ABCC1: variants seen among roughly 807,000 people sequenced by gnomAD.
ABCC1 encodes the protein ATP binding cassette subfamily C member 1 (ABCC1 blood group), also known as multidrug resistance-associated protein 1.
A neutral mutation model predicts 172.9 loss-of-function variants in ABCC1; 83 were observed. The ratio of observed to expected loss-of-function variants is 0.48; its 90% CI spans 0.40 to 0.58. ABCC1 has a LOEUF of 0.58. Among genes scored for constraint, ABCC1 ranks in the 20% least tolerant of loss-of-function variants. The pLI is 0.00. For missense variants in ABCC1, 1,817 were observed against 2,002.7 expected (o/e 0.91, Z 1.77); for synonymous variants, 937 against 825.2 (o/e 1.14, Z -2.32).
intron 25 of ABCC1, 47 bp downstream of exon 25, chr16:16,124,962 G>A: frequency 6.2e-7 from 1 of 1,611,876 alleles, no homozygotes. Context: ...TGTTAATGGG[G>A]GAGCCAGTTG....
intron 16 of ABCC1, among the ~76,000 whole-genome samples, chr16:16,079,936 GAGT>G (rs1339564623): frequency 2.0e-5 from 3 of 151,452 alleles, no homozygotes; most frequent in African/African-American, 7.3e-5. Flanking sequence ...TCAGCCTCCC[GAGT>G]AGCTAGGATT....
chr16:16,013,350 A>C (rs1442384469), intron 3 of ABCC1, among the ~76,000 whole-genome samples: 2 of 150,736 alleles, frequency 1.3e-5, no homozygotes, highest in Non-Finnish European at 2.9e-5. Flanking sequence ...AGCTCAGTGT[A>C]GCCTCCGCCT....
intron 1 of ABCC1, among the ~76,000 whole-genome samples, chr16:15,964,069 G>A (rs1261757455): frequency 1.3e-5 from 2 of 151,656 alleles, no homozygotes; most frequent in Admixed American, 6.6e-5. Flanking sequence ...TCAGCATCCC[G>A]AGTAGCTGGG....
intron 9 of ABCC1, among the ~76,000 whole-genome samples, chr16:16,046,366 A>G (rs1415697957): frequency 1.3e-5 from 2 of 150,316 alleles, no homozygotes; most frequent in Non-Finnish European, 3.0e-5. Flanking sequence ...TTTTTTTGAG[A>G]CCAGGTCTCA....
At chr16:16,120,140 C>T (rs762387152) in intron 23 of ABCC1, among the ~76,000 whole-genome samples, 2 of 152,122 alleles carry the variant, frequency 1.3e-5, no homozygotes, top group Non-Finnish European at 2.9e-5. Context: ...TTGTAAAAGC[C>T]ACCTGCTGCT....
intron 10 of ABCC1, among the ~76,000 whole-genome samples, chr16:16,049,974 G>A (rs2049360830): frequency 6.6e-6 from 1 of 152,034 alleles, no homozygotes; most frequent in South Asian, 2.1e-4. Context: ...AATTACAGGC[G>A]TGAGCCACCG....
At chr16:16,097,967 A>C (rs2051556693) in intron 19 of ABCC1, 1 of 152,302 alleles carries the variant, frequency 6.6e-6, no homozygotes. Context: ...GACAAACGCC[A>C]AACAATTAAG....
intron 1 of ABCC1, among the ~76,000 whole-genome samples, chr16:15,989,622 G>A (rs1029531938): frequency 6.6e-6 from 1 of 151,928 alleles, no homozygotes; most frequent in African/African-American, 2.4e-5. Context: ...CTTGCCTTTC[G>A]TCCCTCCAAG....
intron 1 of ABCC1, among the ~76,000 whole-genome samples, chr16:16,002,203 G>A (rs2047339940): frequency 6.6e-6 from 1 of 152,182 alleles, no homozygotes; most frequent in Non-Finnish European, 1.5e-5. Context: ...TGTATACTGC[G>A]GGATGATCTT....
chr16:16,008,115 C>T, intron 2 of ABCC1, 123 bp downstream of exon 2: 3 of 1,007,480 alleles, frequency 3.0e-6, no homozygotes, highest in Non-Finnish European at 2.9e-6. Flanking sequence ...TTCTAGAAGG[C>T]AGAAGAATAA....
At position 16,131,925 on chromosome 16, in the gene ABCC1, G is replaced by T. The variant is rs1567440452; in HGVS notation, c.3956G>T (p.Gly1319Val). 2 of 1,613,862 alleles carry T rather than the reference G, an allele frequency of 1.2e-6. No homozygotes were observed. Among genetic ancestry groups the T allele is most frequent in the Non-Finnish European group, 1.7e-6 (2 of 1,179,898 alleles). The change falls in exon 27 of 31, where the codon GGG becomes GTG. Residue 1319 changes from glycine (G) to valine (V), a missense_variant. Physicochemically the swap from Gly to Val is moderately radical, Grantham distance 109. Around this residue, in one of 3 missense-constraint regions of ABCC1, gnomAD observed 1,412 missense variants for 1,600.3 expected, o/e 0.88. Coordinates refer to ENST00000399410, the MANE Select transcript of ABCC1 (RefSeq NM_004996.4). ...VLRHINVTIN[G>V]GEKVGIVGRT... ...AGGCACATCAATGTCACGATCAATG[G>T]GGGAGAAAAGGTGGGTACACATCGC...
In ABCC1 at chr16:15,949,709, G is replaced by T; in HGVS notation, c.-43G>T. ...GCCGCCCGCGCCAGCAACCGGGCCC[G>T]ATCACCCGCCGCCCGGTGCCCGCCG... On this transcript the variant is annotated 5_prime_UTR_variant, in exon 1 of 31. Transcript: ENST00000399410. 1 of 1,098,606 alleles carries T rather than the reference G, an allele frequency of 9.1e-7. No homozygotes were observed. The highest frequency in any genetic ancestry group is 1.1e-6 in the Non-Finnish European group (1 of 901,914). 68.1% of individuals were successfully genotyped at this position (1,098,606 alleles called of 1,614,324 possible).
At chr16:16,075,742 T>C (rs2151971868) in intron 14 of ABCC1, among the ~76,000 whole-genome samples, 1 of 152,364 alleles carries the variant, frequency 6.6e-6, no homozygotes, top group Non-Finnish European at 1.5e-5. Context: ...TTTTTGAGTT[T>C]ATCGTGATGG....
chr16:15,955,105 T>C (rs1030949949), intron 1 of ABCC1, among the ~76,000 whole-genome samples: 1 of 152,248 alleles, frequency 6.6e-6, no homozygotes, highest in African/African-American at 2.4e-5. Context: ...CCTGTAATCC[T>C]GGCACTTCGG....
intron 1 of ABCC1, among the ~76,000 whole-genome samples, chr16:15,996,998 G>T (rs2047079544): frequency 6.6e-6 from 1 of 152,188 alleles, no homozygotes; most frequent in Non-Finnish European, 1.5e-5. Flanking sequence ...AGGGCTGAGG[G>T]CATGGAGACA....
rs35086205 is a variant in ABCC1 at position 15,972,787 on chromosome 16, CTTTTTTT to C, written c.48+23007_48+23013del. 1.9e-4 allele frequency among the ~76,000 whole-genome samples: 17 copies of C among 89,330 alleles called. 1 individual carries two copies. The highest frequency in any genetic ancestry group is 9.0e-4 in the South Asian group (2 of 2,228). 58.6% of individuals were successfully genotyped at this position (89,330 alleles called of 152,430 possible). ...TGTCCAACATGTACTTATTTTTTAA[CTTTTTTT>C]TTTTTTTTTTTTTTTTTTGAGGCAA... On this transcript the variant is annotated intron_variant, in intron 1 of 30. Transcript: ENST00000399410.
chr16:16,135,038 C>T (rs1036712346), intron 28 of ABCC1, among the ~76,000 whole-genome samples: 3 of 152,142 alleles, frequency 2.0e-5, no homozygotes, highest in African/African-American at 4.8e-5. Flanking sequence ...CTATCAGTCC[C>T]GACTTCCTGT....
chr16:15,956,488 C>T (rs930455677), intron 1 of ABCC1, among the ~76,000 whole-genome samples: 1 of 151,920 alleles, frequency 6.6e-6, no homozygotes, highest in Non-Finnish European at 1.5e-5. Flanking sequence ...GTTGATAACA[C>T]TAATTCTGTT....
chr16:16,127,405 C>G (rs2045485732), intron 26 of ABCC1, among the ~76,000 whole-genome samples: 1 of 152,130 alleles, frequency 6.6e-6, no homozygotes, highest in Non-Finnish European at 1.5e-5. Flanking sequence ...CGGGATTTTG[C>G]CCAGACTCAT....
Sources: allele counts gnomAD v4.1 joint callset (sites outside exome capture counted in the v4.1 genomes callset), GRCh38; gene constraint gnomAD v4.1.1; regional missense constraint gnomAD v4.1.1; transcripts MANE v1.5; gene names NCBI Gene and HGNC (gene_info 2026-07-23, HGNC 2026-07-21).